Variants in CHD5 observed in about 807,000 individuals in gnomAD.
CHD5 encodes the protein ATP-dependent chromatin remodeler CHD5.
Under a neutral mutation model 230.3 loss-of-function variants are expected in CHD5, and 69 were observed. That is an observed-to-expected ratio of 0.30 (90% confidence interval 0.25 to 0.37). CHD5 has a LOEUF of 0.37. CHD5 is among the 10% of genes least tolerant of loss of function. The pLI is 1.00. For missense variants in CHD5, 1,827 were observed against 2,622.8 expected (o/e 0.70, Z 6.63); for synonymous variants, 1,064 against 1,065.9 (o/e 1.00, Z 0.03).
At chr1:6,133,443 C>T (rs1666689561) in intron 20 of CHD5, among the ~76,000 whole-genome samples, 1 of 152,250 alleles carries the variant, frequency 6.6e-6, no homozygotes, top group Non-Finnish European at 1.5e-5. Flanking sequence ...GCACAAGGAG[C>T]CATAGCCCAG....
intron 1 of CHD5, among the ~76,000 whole-genome samples, chr1:6,177,416 C>T (rs937285546): frequency 1.3e-5 from 2 of 152,182 alleles, no homozygotes; most frequent in African/African-American, 4.8e-5. Flanking sequence ...CTCTCAGGAA[C>T]GCATGGTTTC....
Position 6,142,718 on chromosome 1 carries a change from T to C in CHD5, c.2044-113A>G. On this transcript the variant is annotated intron_variant, in intron 13 of 41. Transcript: ENST00000262450. The surrounding 1 kb of genome is among the most constrained non-coding windows in gnomAD (Gnocchi z 5.2). Reference sequence around the variant, plus strand: ...GCCTGGAACACTCTTCCCACTCCTGTCTGTCTTCCTAACTCTTCTCCAGTT... The same window carrying C: ...GCCTGGAACACTCTTCCCACTCCTGCCTGTCTTCCTAACTCTTCTCCAGTT... 8.6e-7 allele frequency: 1 copy of C among 1,162,468 alleles called. No homozygotes were observed. The allele number at this position is 1,162,468 out of a possible 1,614,324, so 72.0% of individuals were successfully genotyped here. A position where few individuals can be genotyped will look rare whatever the true frequency, so the allele number is the denominator to read the frequency against.
chr1:6,123,178 C>T (rs1022605463), intron 31 of CHD5, among the ~76,000 whole-genome samples: 3 of 152,118 alleles, frequency 2.0e-5, no homozygotes, highest in Non-Finnish European at 4.4e-5. Flanking sequence ...GAACCTGGAA[C>T]CCCCAGGCTG....
chr1:6,171,157 A>G (rs1303381655), intron 1 of CHD5, among the ~76,000 whole-genome samples: 1 of 152,210 alleles, frequency 6.6e-6, no homozygotes, highest in Non-Finnish European at 1.5e-5. Flanking sequence ...GGATGAGGGT[A>G]TGCACAGGTG....
chr1:6,122,835 C>T (rs543533876), intron 31 of CHD5, among the ~76,000 whole-genome samples: 150 of 152,172 alleles, frequency 9.9e-4, no homozygotes, highest in Middle Eastern at 6.8e-3. Flanking sequence ...GTTGGGAGGC[C>T]GAGGAGGGTG....
intron 6 of CHD5, among the ~76,000 whole-genome samples, chr1:6,152,197 C>T (rs1667017662): frequency 6.6e-6 from 1 of 152,156 alleles, no homozygotes; most frequent in African/African-American, 2.4e-5. Flanking sequence ...CTAGAAGGGC[C>T]CTTGGAAGGA....
At chr1:6,174,938 ATGGTGGGTGGG>A (rs1469873086) in intron 1 of CHD5, among the ~76,000 whole-genome samples, 2 of 144,828 alleles carry the variant, frequency 1.4e-5, no homozygotes, top group South Asian at 2.3e-4. Flanking sequence ...TGAAGGATGG[ATGGTGGGTGGG>A]TGGATGGATG....
At chr1:6,172,689 C>T (rs548674028) in intron 1 of CHD5, among the ~76,000 whole-genome samples, 61 of 152,280 alleles carry the variant, frequency 4.0e-4, no homozygotes, top group African/African-American at 1.3e-3. Flanking sequence ...TAAACCGGCT[C>T]GGTGGATGCC....
chr1:6,144,732 G>A (rs1213622237), intron 11 of CHD5, among the ~76,000 whole-genome samples: 2 of 152,174 alleles, frequency 1.3e-5, no homozygotes, highest in South Asian at 2.1e-4. Context: ...CACCCACCCA[G>A]GCTAAGGCAA....
chr1:6,109,773 G>A (rs1478891426), intron 38 of CHD5, 22 bp downstream of exon 38: 13 of 1,603,154 alleles, frequency 8.1e-6, no homozygotes, highest in Admixed American at 1.7e-5. Context: ...GGGCTGCACC[G>A]TGGGGGGCAG....
At chr1:6,135,964 C>A (rs947798972) in intron 17 of CHD5, among the ~76,000 whole-genome samples, 3 of 151,826 alleles carry the variant, frequency 2.0e-5, no homozygotes, top group African/African-American at 7.3e-5. Flanking sequence ...GAACTGAGAT[C>A]AAGCCACTGC....
intron 20 of CHD5, among the ~76,000 whole-genome samples, chr1:6,133,231 C>T (rs1300461246): frequency 6.6e-6 from 1 of 152,196 alleles, no homozygotes; most frequent in Non-Finnish European, 1.5e-5. Context: ...TACTTGGTAT[C>T]TCAAGGCCTC....
intron 38 of CHD5, among the ~76,000 whole-genome samples, chr1:6,107,518 G>C (rs1229679462): frequency 7.0e-6 from 1 of 142,782 alleles, no homozygotes; most frequent in Admixed American, 6.9e-5. Context: ...TGGAGGGATG[G>C]AGCGGTGGAG....
chr1:6,164,892 T>G (rs750470067), intron 2 of CHD5, among the ~76,000 whole-genome samples: 1 of 149,754 alleles, frequency 6.7e-6, no homozygotes, highest in Non-Finnish European at 1.5e-5. Flanking sequence ...GGGAGAGAAA[T>G]GAGGGTACAG....
At chr1:6,132,057 A>C (rs1341862283) in intron 20 of CHD5, among the ~76,000 whole-genome samples, 1 of 152,108 alleles carries the variant, frequency 6.6e-6, no homozygotes, top group Non-Finnish European at 1.5e-5. Flanking sequence ...AAGGCGCTGC[A>C]GGACGAGTGC....
intron 17 of CHD5, 137 bp from the exon 18 acceptor site, chr1:6,135,540 T>C: frequency 1.4e-6 from 1 of 697,980 alleles, no homozygotes; most frequent in South Asian, 1.9e-5. Context: ...ATCGTCTCAA[T>C]TTCTGTCTAA....
At chr1:6,148,203 A>G (rs944376049) in intron 9 of CHD5, among the ~76,000 whole-genome samples, 1 of 152,182 alleles carries the variant, frequency 6.6e-6, no homozygotes, top group African/African-American at 2.4e-5. Context: ...ATCTGGCACC[A>G]CAGGGGGCAG....
Position 6,134,022 on chromosome 1 carries a change from G to A in CHD5, c.3144+106C>T, listed in dbSNP as rs572248976. ...CAGTCACATGACCCACATGGGAACG[G>A]CACTGGGCCCTGAGGGGTGCCAGCA... On this transcript the variant is annotated intron_variant, in intron 20 of 41. Transcript: ENST00000262450. The surrounding 1 kb of genome is among the most constrained non-coding windows in gnomAD (Gnocchi z 6.3). 6.3e-6 allele frequency: 7 copies of A among 1,118,866 alleles called. No individual in the cohort carries two copies. The highest frequency in any genetic ancestry group is 6.5e-6 in the Non-Finnish European group (5 of 774,776). 69.3% of individuals were successfully genotyped at this position (1,118,866 alleles called of 1,614,324 possible).
intron 1 of CHD5, among the ~76,000 whole-genome samples, chr1:6,170,809 C>T (rs1037971728): frequency 4.6e-5 from 7 of 152,192 alleles, no homozygotes; most frequent in Non-Finnish European, 8.8e-5. Flanking sequence ...GGGACCCCCT[C>T]GGAGTCGTCC....
Sources: allele counts gnomAD v4.1 joint callset (sites outside exome capture counted in the v4.1 genomes callset), GRCh38; gene constraint gnomAD v4.1.1; non-coding constraint Gnocchi (gnomAD v3.1); transcripts MANE v1.5; gene names NCBI Gene and HGNC (gene_info 2026-07-23, HGNC 2026-07-21).